Variants in CENPW observed in about 807,000 individuals in gnomAD.
CENPW encodes cancer-up-regulated gene 2 protein.
CENPW carries 3 observed loss-of-function variants against 11.1 expected under a neutral mutation model. The ratio of observed to expected loss-of-function variants is 0.27; its 90% CI spans 0.12 to 0.70. CENPW has a LOEUF of 0.70. CENPW is among the 30% of genes least tolerant of loss of function. The pLI is 0.77. For synonymous variants in CENPW, 38 were observed against 42.0 expected, an observed-to-expected ratio of 0.91 and a Z score of 0.37; for missense variants, 100 against 105.6, an observed-to-expected ratio of 0.95 and a Z score of 0.23.
the CENPW span, among the ~76,000 whole-genome samples, chr6:126,388,375 G>A: frequency 2.6e-5 from 4 of 151,894 alleles, no homozygotes; most frequent in African/African-American, 7.2e-5. Context: ...AGATAGCACC[G>A]GCCTGAGTCC....
At chr6:126,464,101 G>A in the CENPW span, among the ~76,000 whole-genome samples, 2 of 151,930 alleles carry the variant, frequency 1.3e-5, no homozygotes, top group South Asian at 4.1e-4. Flanking sequence ...CCAACAATAT[G>A]GTAAAAGGAT....
At chr6:126,341,912 C>T (rs1442540938) in intron 1 of CENPW, among the ~76,000 whole-genome samples, 2 of 152,148 alleles carry the variant, frequency 1.3e-5, no homozygotes, top group African/African-American at 2.4e-5. Context: ...CGGTGGGATC[C>T]AGGTGGCATG....
chr6:126,345,327 A>G (rs1780387663), intron 1 of CENPW, among the ~76,000 whole-genome samples: 1 of 152,036 alleles, frequency 6.6e-6, no homozygotes, highest in African/African-American at 2.4e-5. Flanking sequence ...GCTTATATGT[A>G]GAGCTTGTTT....
At chr6:126,464,553 C>T in the CENPW span, among the ~76,000 whole-genome samples, 1 of 152,082 alleles carries the variant, frequency 6.6e-6, no homozygotes, top group East Asian at 1.9e-4. Flanking sequence ...CTGAGCCTTC[C>T]AGCCTTCATC....
chr6:126,473,525 A>G, the CENPW span, among the ~76,000 whole-genome samples: 9 of 152,070 alleles, frequency 5.9e-5, no homozygotes, highest in Non-Finnish European at 8.8e-5. Flanking sequence ...TGTGGTCAGG[A>G]GTTCAAGACC....
At chr6:126,405,892 G>T in the CENPW span, among the ~76,000 whole-genome samples, 8 of 149,930 alleles carry the variant, frequency 5.3e-5, no homozygotes, top group South Asian at 2.1e-4. Context: ...ATTTTTTTGT[G>T]GGGGGGGTCT....
At chr6:126,429,736 G>A in the CENPW span, among the ~76,000 whole-genome samples, 1 of 152,150 alleles carries the variant, frequency 6.6e-6, no homozygotes, top group Non-Finnish European at 1.5e-5. Context: ...GTTAGGCTGA[G>A]TTTTAAAAAT....
intron 1 of CENPW, among the ~76,000 whole-genome samples, chr6:126,340,713 A>G (rs1780287105): frequency 6.6e-6 from 1 of 152,210 alleles, no homozygotes; most frequent in African/African-American, 2.4e-5. Flanking sequence ...ACAATCTGGC[A>G]CCGTGATTAA....
the CENPW span, among the ~76,000 whole-genome samples, chr6:126,427,790 A>G: frequency 6.6e-6 from 1 of 152,236 alleles, no homozygotes; most frequent in African/African-American, 2.4e-5. Flanking sequence ...ACAAGTTTGC[A>G]TAGTGAGTGT....
At chr6:126,414,732 A>G in the CENPW span, among the ~76,000 whole-genome samples, 4 of 151,990 alleles carry the variant, frequency 2.6e-5, no homozygotes, top group Admixed American at 2.0e-4. Context: ...AAAAGCAAAA[A>G]CAAGCCAAAG....
the CENPW span, among the ~76,000 whole-genome samples, chr6:126,459,659 C>T: frequency 1.3e-5 from 2 of 151,536 alleles, no homozygotes; most frequent in East Asian, 3.9e-4. Context: ...TATTAGCTTG[C>T]AACATTCCAT....
the CENPW span, among the ~76,000 whole-genome samples, chr6:126,467,495 G>C: frequency 6.6e-6 from 1 of 152,182 alleles, no homozygotes; most frequent in Non-Finnish European, 1.5e-5. Context: ...AAACATGGGA[G>C]TATGTCAAAG....
chr6:126,352,090 G>T (rs753383308), downstream of CENPW, among the ~76,000 whole-genome samples: 1 of 152,046 alleles, frequency 6.6e-6, no homozygotes, highest in Admixed American at 6.5e-5. Flanking sequence ...CCATCCAGGG[G>T]CCATGCTTCC....
Position 126,348,457 on chromosome 6 carries a change from C to A in CENPW, c.241-9C>A. The A allele has an allele frequency of 2.3e-6, 3 of 1,327,224 alleles. No individual in the cohort carries two copies. Among genetic ancestry groups the A allele is most frequent in the South Asian group, 1.2e-5 (1 of 82,612 alleles). The allele number at this position is 1,327,224 out of a possible 1,614,324, so 82.2% of individuals were successfully genotyped here. On this transcript the variant is annotated splice_polypyrimidine_tract_variant and intron_variant, in intron 2 of 2. Transcript: ENST00000368328. Reference sequence around the variant, plus strand: ...TATAATATGAATCTTATTTTTTTCCCTCTTACAGGTAATTCTAAAGAAGAG... The same window carrying A: ...TATAATATGAATCTTATTTTTTTCCATCTTACAGGTAATTCTAAAGAAGAG...
chr6:126,376,910 G>A, the CENPW span, among the ~76,000 whole-genome samples: 4 of 152,042 alleles, frequency 2.6e-5, no homozygotes, highest in South Asian at 2.1e-4. Context: ...TAGGTATGTC[G>A]GTTTTCATTT....
At chr6:126,390,582 G>A in the CENPW span, among the ~76,000 whole-genome samples, 5 of 151,144 alleles carry the variant, frequency 3.3e-5, no homozygotes, top group African/African-American at 1.2e-4. Context: ...TTTTTTTTGT[G>A]TCCATTAATC....
At chr6:126,359,649 A>G in the CENPW span, among the ~76,000 whole-genome samples, 1 of 152,014 alleles carries the variant, frequency 6.6e-6, no homozygotes, top group Non-Finnish European at 1.5e-5. Context: ...TTATTGTTGA[A>G]TTGTTCTGTT....
At chr6:126,375,661 C>G in the CENPW span, among the ~76,000 whole-genome samples, 1 of 152,078 alleles carries the variant, frequency 6.6e-6, no homozygotes, top group Non-Finnish European at 1.5e-5. Context: ...AGTTTTGCCT[C>G]TAGCCCCCTT....
the CENPW span, among the ~76,000 whole-genome samples, chr6:126,378,445 A>G: frequency 6.8e-6 from 1 of 146,576 alleles, no homozygotes; most frequent in Non-Finnish European, 1.5e-5. Context: ...AAGGGCCATT[A>G]AAGTTAAAAT....
Sources: allele counts gnomAD v4.1 joint callset (sites outside exome capture counted in the v4.1 genomes callset), GRCh38; gene constraint gnomAD v4.1.1; transcripts MANE v1.5; gene names NCBI Gene and HGNC (gene_info 2026-07-23, HGNC 2026-07-21).